TMEM132D: variants seen among roughly 807,000 people sequenced by gnomAD.
TMEM132D encodes mature OL transmembrane protein.
In TMEM132D, 21 loss-of-function variants were observed where a neutral mutation model predicts 62.3. The observed-to-expected ratio is 0.34, with a 90% CI of 0.24 to 0.49. TMEM132D has a LOEUF of 0.49. Among genes scored for constraint, TMEM132D ranks in the 20% least tolerant of loss-of-function variants. The pLI is 0.99. For synonymous variants in TMEM132D, 621 were observed against 575.6 expected, an observed-to-expected ratio of 1.08 and a Z score of -1.13; for missense variants, 1,346 against 1,402.8, an observed-to-expected ratio of 0.96 and a Z score of 0.65.
rs187131363 is a variant in TMEM132D at position 129,173,172 on chromosome 12, G to A, written c.1443+36348C>T. On this transcript the variant is annotated intron_variant, in intron 5 of 8. Transcript: ENST00000422113. ...GGGCACAAGCTGTTCGAAAAATGGT[G>A]CTGACAGACTTGCCTAACACAGAGT... Among the ~76,000 whole-genome samples the A allele has an allele frequency of 1.3e-3, 204 of 152,276 alleles. 1 individual carries two copies. Among genetic ancestry groups the A allele is most frequent in the African/African-American group, 4.8e-3 (199 of 41,550 alleles).
At chr12:129,669,054 C>T (rs1880442276) in intron 2 of TMEM132D, among the ~76,000 whole-genome samples, 1 of 152,190 alleles carries the variant, frequency 6.6e-6, no homozygotes, top group Non-Finnish European at 1.5e-5. Flanking sequence ...GGTACAAACC[C>T]ATGGCTGGGC....
At chr12:129,370,342 G>C (rs1361457684) in intron 3 of TMEM132D, among the ~76,000 whole-genome samples, 2 of 152,150 alleles carry the variant, frequency 1.3e-5, no homozygotes, top group Non-Finnish European at 2.9e-5. Context: ...ACAAATCCAT[G>C]GTTCCCAAAT....
At chr12:129,078,861 C>T in intron 7 of TMEM132D, 136 bp from the exon 8 acceptor site, 1 of 769,064 alleles carries the variant, frequency 1.3e-6, no homozygotes, top group Non-Finnish European at 2.1e-6. Context: ...CAGGCCTTTC[C>T]CACTCACACC....
At chr12:129,375,462 G>A (rs1593356287) in intron 3 of TMEM132D, among the ~76,000 whole-genome samples, 1 of 152,234 alleles carries the variant, frequency 6.6e-6, no homozygotes, top group African/African-American at 2.4e-5. Context: ...TGACTTAATT[G>A]GTCTGGGGTA....
chr12:129,207,091 C>A (rs1374964454), intron 5 of TMEM132D, among the ~76,000 whole-genome samples: 1 of 152,018 alleles, frequency 6.6e-6, no homozygotes, highest in East Asian at 1.9e-4. Flanking sequence ...TGTACGTGTA[C>A]CCCCAAACCT....
intron 2 of TMEM132D, among the ~76,000 whole-genome samples, chr12:129,666,950 G>A (rs1198365234): frequency 3.9e-5 from 6 of 151,998 alleles, no homozygotes; most frequent in East Asian, 1.9e-4. Context: ...TAGAGTAACG[G>A]GACAAAACTG....
intron 2 of TMEM132D, among the ~76,000 whole-genome samples, chr12:129,598,279 C>A (rs1279573636): frequency 2.0e-5 from 3 of 152,144 alleles, no homozygotes; most frequent in Non-Finnish European, 2.9e-5. Flanking sequence ...TCTGGAATAA[C>A]TCAAGGGACT....
intron 2 of TMEM132D, among the ~76,000 whole-genome samples, chr12:129,534,329 G>A (rs564014568): frequency 2.0e-5 from 3 of 152,216 alleles, no homozygotes; most frequent in Admixed American, 1.3e-4. Flanking sequence ...CACATGCACT[G>A]TGATTGGGTA....
intron 1 of TMEM132D, among the ~76,000 whole-genome samples, chr12:129,841,516 T>C (rs1487388386): frequency 4.6e-5 from 7 of 152,214 alleles, no homozygotes; most frequent in Non-Finnish European, 1.0e-4. Flanking sequence ...GTGTTAATTT[T>C]AGCTTCTGTA....
At chr12:129,288,686 C>G (rs536163302) in intron 4 of TMEM132D, among the ~76,000 whole-genome samples, 1 of 152,064 alleles carries the variant, frequency 6.6e-6, no homozygotes, top group African/African-American at 2.4e-5. Flanking sequence ...CTATGCAAAA[C>G]GGTAAGGAGG....
At chr12:129,830,173 C>T (rs1171384100) in intron 1 of TMEM132D, among the ~76,000 whole-genome samples, 1 of 152,154 alleles carries the variant, frequency 6.6e-6, no homozygotes, top group Non-Finnish European at 1.5e-5. Context: ...GAACCGTATA[C>T]ATACATACAC....
chr12:129,310,901 C>A (rs778069730), intron 4 of TMEM132D, among the ~76,000 whole-genome samples: 2 of 151,984 alleles, frequency 1.3e-5, no homozygotes, highest in African/African-American at 2.4e-5. Flanking sequence ...ATTGAACATG[C>A]GAGGAACTGG....
intron 4 of TMEM132D, among the ~76,000 whole-genome samples, chr12:129,224,538 A>G (rs904194479): frequency 3.9e-5 from 6 of 152,288 alleles, no homozygotes; most frequent in African/African-American, 1.4e-4. Flanking sequence ...TAGGTAACAG[A>G]CAAACCTTTC....
At chr12:129,589,438 C>T (rs1213222388) in intron 2 of TMEM132D, among the ~76,000 whole-genome samples, 1 of 152,116 alleles carries the variant, frequency 6.6e-6, no homozygotes, top group Non-Finnish European at 1.5e-5. Context: ...TGAAAACAGA[C>T]TAATACATGG....
chr12:129,451,145 C>T (rs574298437), intron 3 of TMEM132D, among the ~76,000 whole-genome samples: 13 of 151,042 alleles, frequency 8.6e-5, no homozygotes, highest in Middle Eastern at 6.8e-3. Flanking sequence ...ATCCAAATGA[C>T]GGTGCTGCCC....
chr12:129,289,547 TAAAAAAAAA>T (rs59709658), intron 4 of TMEM132D, among the ~76,000 whole-genome samples: 1 of 92,180 alleles, frequency 1.1e-5, no homozygotes, highest in South Asian at 3.5e-4. Flanking sequence ...TCCATCTCAA[TAAAAAAAAA>T]AAAAAAAAGA....
intron 1 of TMEM132D, among the ~76,000 whole-genome samples, chr12:129,861,009 CAT>C (rs1312773034): frequency 6.6e-6 from 1 of 152,136 alleles, no homozygotes; most frequent in African/African-American, 2.4e-5. Context: ...ACAGCCAAAC[CAT>C]ATCAGTTTGC....
At chr12:129,139,808 T>C (rs1876685375) in intron 5 of TMEM132D, among the ~76,000 whole-genome samples, 1 of 152,124 alleles carries the variant, frequency 6.6e-6, no homozygotes, top group Non-Finnish European at 1.5e-5. Context: ...TCTTCTGCAC[T>C]CAAATGATCC....
intron 3 of TMEM132D, among the ~76,000 whole-genome samples, chr12:129,413,652 G>T (rs904825194): frequency 2.0e-5 from 3 of 152,106 alleles, no homozygotes; most frequent in African/African-American, 7.2e-5. Context: ...TTTTGAAAAT[G>T]ATAACACATT....
Sources: gnomAD v4.1 joint callset for allele counts (sites outside exome capture counted in the v4.1 genomes callset) on GRCh38, gnomAD v4.1.1 for gene constraint, MANE v1.5 for transcripts, NCBI Gene and HGNC (gene_info 2026-07-23, HGNC 2026-07-21) for gene names.